RBFOX2: variants seen among roughly 807,000 people sequenced by gnomAD.
RBFOX2 encodes RNA binding protein fox-1 homolog 2.
Under a neutral mutation model 49.1 loss-of-function variants are expected in RBFOX2, and 10 were observed. That is an observed-to-expected ratio of 0.20 (90% CI 0.13 to 0.35). The LOEUF is 0.35. Ranked by LOEUF, RBFOX2 falls within the 10% of genes least tolerant of loss-of-function variation. The pLI, the probability that RBFOX2 is intolerant of heterozygous loss-of-function variation, is 1.00. For synonymous variants in RBFOX2, 183 were observed against 187.4 expected (o/e 0.98, Z 0.19); for missense variants, 323 against 486.9 (o/e 0.66, Z 3.17).
upstream of RBFOX2, among the ~76,000 whole-genome samples, chr22:35,964,931 G>A (rs562856483): frequency 6.6e-6 from 1 of 152,200 alleles, no homozygotes; most frequent in South Asian, 2.1e-4. Flanking sequence ...TTATTCTTTA[G>A]AAAATAGTTA....
At chr22:36,011,376 AG>A (rs1450147785) in intron 1 of RBFOX2, among the ~76,000 whole-genome samples, 1 of 152,220 alleles carries the variant, frequency 6.6e-6, no homozygotes, top group African/African-American at 2.4e-5. Flanking sequence ...ATTAAAACAC[AG>A]AATCATATTA....
intron 1 of RBFOX2, among the ~76,000 whole-genome samples, chr22:35,831,464 G>C (rs1426078482): frequency 6.6e-6 from 1 of 152,006 alleles, no homozygotes; most frequent in Non-Finnish European, 1.5e-5. Flanking sequence ...TAAAAATAAA[G>C]TTAAAAGAAT....
chr22:35,864,756 C>T (rs190040804), intron 1 of RBFOX2, among the ~76,000 whole-genome samples: 36 of 152,300 alleles, frequency 2.4e-4, no homozygotes, highest in Non-Finnish European at 1.2e-4. Flanking sequence ...GCACACAGCA[C>T]CAGTTCAGGG....
chr22:35,900,612 C>G (rs953115638), intron 1 of RBFOX2, among the ~76,000 whole-genome samples: 12 of 146,524 alleles, frequency 8.2e-5, no homozygotes, highest in African/African-American at 3.1e-4. Context: ...AAAAAAAAGT[C>G]GAAAGAATGA....
chr22:35,914,780 T>G (rs1470833322), intron 1 of RBFOX2, among the ~76,000 whole-genome samples: 1 of 151,952 alleles, frequency 6.6e-6, no homozygotes, highest in East Asian at 1.9e-4. Flanking sequence ...TCCCCGGGGG[T>G]AAACAACAGC....
intron 1 of RBFOX2, among the ~76,000 whole-genome samples, chr22:35,926,383 G>C (rs958190091): frequency 1.3e-5 from 2 of 152,136 alleles, no homozygotes; most frequent in African/African-American, 4.8e-5. Flanking sequence ...CTTTGTAAAT[G>C]GCCCTATCTT....
chr22:35,873,329 G>T (rs778899310), intron 1 of RBFOX2, among the ~76,000 whole-genome samples: 5 of 151,396 alleles, frequency 3.3e-5, no homozygotes, highest in African/African-American at 1.2e-4. Context: ...ACGGGGTCTC[G>T]TCATGTTGGC....
intron 9 of RBFOX2, chr22:35,746,841 G>C (rs1932911281): frequency 3.2e-6 from 1 of 313,260 alleles, no homozygotes; most frequent in Non-Finnish European, 5.8e-6. Context: ...AAGGAATGAA[G>C]ATATGATTTT....
chr22:35,799,864 G>A (rs1363783535), intron 2 of RBFOX2, among the ~76,000 whole-genome samples: 1 of 152,026 alleles, frequency 6.6e-6, no homozygotes, highest in Non-Finnish European at 1.5e-5. Context: ...TGAGGCAGGA[G>A]GACCATCTGA....
chr22:35,779,642 G>A (rs962858213), intron 3 of RBFOX2, among the ~76,000 whole-genome samples: 3 of 152,094 alleles, frequency 2.0e-5, no homozygotes, highest in African/African-American at 7.2e-5. Context: ...TCTGGAGTAA[G>A]GATCACACTC....
intron 1 of RBFOX2, chr22:35,995,642 C>T (rs534486160): frequency 6.5e-6 from 1 of 154,862 alleles, no homozygotes; most frequent in South Asian, 2.0e-4. Flanking sequence ...GGCACCTCCC[C>T]CTTCACACTC....
intron 1 of RBFOX2, among the ~76,000 whole-genome samples, chr22:35,812,112 T>C (rs1250390873): frequency 6.6e-6 from 1 of 151,842 alleles, no homozygotes; most frequent in Non-Finnish European, 1.5e-5. Context: ...AATACAAAAA[T>C]TAGCCAAGCA....
At chr22:35,903,919 C>T (rs1056266145) in intron 1 of RBFOX2, among the ~76,000 whole-genome samples, 1 of 150,232 alleles carries the variant, frequency 6.7e-6, no homozygotes, top group African/African-American at 2.5e-5. Flanking sequence ...TATCACTCTC[C>T]TACTTCCACG....
At chr22:35,819,082 C>G (rs1403523441) in intron 1 of RBFOX2, among the ~76,000 whole-genome samples, 4 of 152,092 alleles carry the variant, frequency 2.6e-5, no homozygotes, top group East Asian at 1.9e-4. Context: ...CTAAGTCAAC[C>G]AGGGACTGAA....
At chr22:35,913,477 T>TTGTGTGTG (rs61402464) in intron 1 of RBFOX2, among the ~76,000 whole-genome samples, 5 of 143,422 alleles carry the variant, frequency 3.5e-5, no homozygotes, top group African/African-American at 1.3e-4. Context: ...GTTATTTCTA[T>TTGTGTGTG]TGTGTGTGTG....
At chr22:35,843,677 C>T (rs1000210823), upstream of RBFOX2, among the ~76,000 whole-genome samples, 1 of 152,190 alleles carries the variant, frequency 6.6e-6, no homozygotes, top group East Asian at 1.9e-4. Flanking sequence ...CCTGTTCACC[C>T]TCTTCTCCAT....
At chr22:35,784,787 C>T (rs1017623665) in intron 2 of RBFOX2, among the ~76,000 whole-genome samples, 6 of 152,174 alleles carry the variant, frequency 3.9e-5, no homozygotes, top group Admixed American at 2.0e-4. Context: ...CCGGGAGGCC[C>T]GCAGCTGGTT....
chr22:35,987,429 T>C (rs1471589991), intron 1 of RBFOX2, among the ~76,000 whole-genome samples: 1 of 152,206 alleles, frequency 6.6e-6, no homozygotes, highest in Non-Finnish European at 1.5e-5. Flanking sequence ...TTAAAAACCA[T>C]TTTAAAAATT....
chr22:35,979,941 T>C (rs1042683861), intron 1 of RBFOX2, among the ~76,000 whole-genome samples: 3 of 152,124 alleles, frequency 2.0e-5, no homozygotes, highest in Non-Finnish European at 4.4e-5. Flanking sequence ...TGTGCCAATA[T>C]CTTTACTTAT....
Sources: gnomAD v4.1 joint callset for allele counts (sites outside exome capture counted in the v4.1 genomes callset) on GRCh38, gnomAD v4.1.1 for gene constraint, MANE v1.5 for transcripts, NCBI Gene and HGNC (gene_info 2026-07-23, HGNC 2026-07-21) for gene names.